GTF2IRD1: variants seen among roughly 807,000 people sequenced by gnomAD.
The protein encoded by GTF2IRD1 is general transcription factor II-I repeat domain-containing protein 1.
A neutral mutation model predicts 113.2 loss-of-function variants in GTF2IRD1; 26 were observed. The observed-to-expected ratio is 0.23, with a 90% CI of 0.17 to 0.32. GTF2IRD1 has a LOEUF of 0.32. GTF2IRD1 is among the 10% of genes least tolerant of loss of function. The pLI, the probability that GTF2IRD1 is intolerant of heterozygous loss-of-function variation, is 1.00. For synonymous variants in GTF2IRD1, 484 were observed against 529.1 expected (o/e 0.91, Z 1.17); for missense variants, 864 against 1,280.8 (o/e 0.67, Z 4.97).
Position 74,519,554 on chromosome 7 carries a change from T to C in GTF2IRD1, c.751T>C (p.Ser251Pro). 6.2e-7 allele frequency: 1 copy of C among 1,611,310 alleles called. No individual in the cohort carries two copies. The highest frequency in any genetic ancestry group is 8.5e-7 in the Non-Finnish European group (1 of 1,179,200). Reference protein sequence around the residue: ...PQDLPPTATSSSMASFLYSTA... With the variant: ...PQDLPPTATSPSMASFLYSTA... ...GGACCTGCCCCCAACCGCCACCTCC[T>C]CCTCCATGGCCAGCTTCCTGTACAG... Residue 251 changes from serine to proline, a missense_variant, in exon 6 of 27, where the codon TCC becomes CCC. By Grantham distance (74) the Ser-to-Pro change is moderately conservative. This residue lies in a region of GTF2IRD1 where 195 missense variants were observed against 196.6 expected (regional missense o/e 0.99). Coordinates refer to ENST00000424337, the MANE Select transcript of GTF2IRD1 (RefSeq NM_005685.4).
Position 74,571,127 on chromosome 7 carries a change from C to T in GTF2IRD1, c.2320+11472C>T, listed in dbSNP as rs1393010996. 3.5e-5 allele frequency: 34 copies of T among 985,202 alleles called. 1 individual carries two copies. The African/African-American group carries it at 5.8e-4, about 17-fold the overall frequency. The allele number at this position is 985,202 out of a possible 1,614,324, so 61.0% of individuals were successfully genotyped here. A position where few individuals can be genotyped will look rare whatever the true frequency, so the allele number is the denominator to read the frequency against. Reference sequence around the variant, plus strand: ...CCTCTCCTTCCCCAGAGCAGGGGCTCCAGACCCCAGGGATGTGGCAGAGCT... The same window carrying T: ...CCTCTCCTTCCCCAGAGCAGGGGCTTCAGACCCCAGGGATGTGGCAGAGCT... On this transcript the variant is annotated intron_variant, in intron 22 of 26. Coordinates refer to ENST00000424337, the MANE Select transcript of GTF2IRD1 (RefSeq NM_005685.4).
At chr7:74,575,562 G>A (rs960559698) in intron 22 of GTF2IRD1, among the ~76,000 whole-genome samples, 22 of 152,212 alleles carry the variant, frequency 1.4e-4, no homozygotes, top group South Asian at 4.1e-4. Flanking sequence ...TCCAGGCGAC[G>A]CCTGTGGCGG....
intron 25 of GTF2IRD1, among the ~76,000 whole-genome samples, chr7:74,598,639 G>A (rs1389094246): frequency 1.3e-4 from 19 of 151,816 alleles, no homozygotes; most frequent in African/African-American, 4.4e-4. Context: ...ACAAAACATG[G>A]CAGAGACACA....
chr7:74,509,722 G>C lies in GTF2IRD1; in HGVS notation c.123+1519G>C, dbSNP rs533017670. ...GGAGTTTCGCTCTGTCGCCAGGCTGGAGTGCAGTGGTGTGATCTCGACTCA... is the reference window on the plus strand; with the variant it reads ...GGAGTTTCGCTCTGTCGCCAGGCTGCAGTGCAGTGGTGTGATCTCGACTCA... On this transcript the variant is annotated intron_variant, in intron 2 of 26. Coordinates refer to ENST00000424337, the MANE Select transcript of GTF2IRD1 (RefSeq NM_005685.4). Among the ~76,000 whole-genome samples the C allele has an allele frequency of 5.9e-5, 9 of 151,794 alleles. No homozygotes were observed. The East Asian group carries it at 1.8e-3, about 30-fold the overall frequency.
rs587596266 is a variant in GTF2IRD1, at chr7:74,539,312, G to C, written c.1528+552G>C. Among the ~76,000 whole-genome samples the C allele has an allele frequency of 3.3e-5, 5 of 152,254 alleles. No homozygotes were observed. The South Asian group carries it at 1.0e-3, about 32-fold the overall frequency. On this transcript the variant is annotated intron_variant, in intron 13 of 26. Coordinates refer to ENST00000424337, the MANE Select transcript of GTF2IRD1 (RefSeq NM_005685.4). ...AAATACAAAACATTAGCCAGATGTG[G>C]TGGTGTGTGCCTGTCGGTGTAGCTT...
intron 9 of GTF2IRD1, among the ~76,000 whole-genome samples, chr7:74,530,465 G>A (rs1022164443): frequency 1.1e-4 from 17 of 151,188 alleles, no homozygotes; most frequent in Admixed American, 5.9e-4. Flanking sequence ...ATGCAGGCAC[G>A]GTGTCTGGCC....
At chr7:74,492,233 T>G (rs373989854) in intron 1 of GTF2IRD1, among the ~76,000 whole-genome samples, 4 of 150,380 alleles carry the variant, frequency 2.7e-5, no homozygotes, top group Admixed American at 1.3e-4. Flanking sequence ...TTCAGTGGCG[T>G]GATCTCGGCT....
intron 14 of GTF2IRD1, 35 bp downstream of exon 14, chr7:74,540,003 C>T: frequency 6.8e-7 from 1 of 1,475,072 alleles, no homozygotes; most frequent in Non-Finnish European, 9.5e-7. Context: ...GTGCTTGGGA[C>T]TCAGCTCTCC....
At chr7:74,567,446 A>G (rs1800391954) in intron 22 of GTF2IRD1, among the ~76,000 whole-genome samples, 1 of 152,150 alleles carries the variant, frequency 6.6e-6, no homozygotes, top group African/African-American at 2.4e-5. Context: ...GTCAGTCCTA[A>G]TGCCTGAGAG....
intron 12 of GTF2IRD1, 108 bp from the exon 13 acceptor site, chr7:74,538,572 G>C (rs118121349): frequency 1.2e-6 from 1 of 808,138 alleles, no homozygotes; most frequent in Non-Finnish European, 2.2e-6. Flanking sequence ...CTTGTCCTAG[G>C]TAGGGCCTCA....
rs1018386338 is a variant in GTF2IRD1 at position 74,457,413 on chromosome 7, A to C, written c.-7+3237A>C. 1.2e-4 allele frequency among the ~76,000 whole-genome samples: 18 copies of C among 152,270 alleles called. No homozygotes were observed. The East Asian group carries it at 3.5e-3, about 29-fold the overall frequency. ...CCTCAAATACTTGTTAAATGGCTAC[A>C]TGTTTGAATGAATGAATGAATGAAA... is the stretch of plus-strand genomic sequence containing the variant. On this transcript the variant is annotated intron_variant, in intron 1 of 26. Coordinates refer to ENST00000424337, the MANE Select transcript of GTF2IRD1 (RefSeq NM_005685.4).
chr7:74,535,982 C>T (rs146914095), intron 10 of GTF2IRD1, among the ~76,000 whole-genome samples, 185 bp from the exon 11 acceptor site: 2 of 152,296 alleles, frequency 1.3e-5, no homozygotes, highest in African/African-American at 2.4e-5. Context: ...CTCCTTCTGG[C>T]GTCAGAGTCT....
At position 74,601,068 on chromosome 7, in the gene GTF2IRD1, G is replaced by T. The variant is rs587688217; in HGVS notation, c.2654G>T (p.Arg885Leu). Residue 885 changes from arginine (R) to leucine (L), a missense_variant, in exon 26 of 27, where the codon CGC (arginine) becomes CTC (leucine). Arg to Leu is a moderately radical substitution (Grantham distance 102, BLOSUM62 -2). Transcript: ENST00000424337. ...VPAKDSSIPK[R>L]KRKRVSEGNS... Reference sequence around the variant, plus strand: ...GCCAAAGACAGCAGCATTCCCAAGCGCAAGAGAAAGCGGGTCTCGGAAGGA... The same window carrying T: ...GCCAAAGACAGCAGCATTCCCAAGCTCAAGAGAAAGCGGGTCTCGGAAGGA... 1.9e-6 allele frequency: 3 copies of T among 1,614,100 alleles called. No individual in the cohort carries two copies. The highest frequency in any genetic ancestry group is 2.2e-5 in the East Asian group (1 of 44,880).
chr7:74,571,664 C>T (rs1554362733), intron 22 of GTF2IRD1, among the ~76,000 whole-genome samples: 2 of 152,126 alleles, frequency 1.3e-5, no homozygotes. Context: ...GAGTTCGAAA[C>T]CAGCCTGGGA....
At chr7:74,528,746 G>GATGA (rs1797753153) in intron 8 of GTF2IRD1, among the ~76,000 whole-genome samples, 2 of 108,662 alleles carry the variant, frequency 1.8e-5, no homozygotes, top group African/African-American at 6.8e-5. Context: ...TGGATGGATG[G>GATGA]ATGGATGGAT....
intron 1 of GTF2IRD1, among the ~76,000 whole-genome samples, chr7:74,466,573 G>T (rs1352094977): frequency 6.6e-6 from 1 of 152,068 alleles, no homozygotes; most frequent in Admixed American, 6.6e-5. Flanking sequence ...CCCCTAGAGC[G>T]TGCGTAATGC....
chr7:74,601,222 GCC>G, intron 26 of GTF2IRD1, 42 bp downstream of exon 26: 2 of 1,553,686 alleles, frequency 1.3e-6, no homozygotes, highest in Non-Finnish European at 1.7e-6. Flanking sequence ...CATCTCTGTG[GCC>G]CTCACCCCTC....
intron 24 of GTF2IRD1, among the ~76,000 whole-genome samples, chr7:74,593,651 T>C (rs1215713697): frequency 6.8e-6 from 1 of 147,514 alleles, no homozygotes; most frequent in Non-Finnish European, 1.5e-5. Flanking sequence ...GAGAATGGCA[T>C]GAACCTGGGA....
chr7:74,459,983 T>A (rs978179621), intron 1 of GTF2IRD1, among the ~76,000 whole-genome samples: 1 of 151,662 alleles, frequency 6.6e-6, no homozygotes, highest in African/African-American at 2.4e-5. Flanking sequence ...TTTTTTTTTT[T>A]AATTTGTATT....
Sources: gnomAD v4.1 joint callset for allele counts (sites outside exome capture counted in the v4.1 genomes callset) on GRCh38, gnomAD v4.1.1 for gene constraint, gnomAD v4.1.1 regional missense constraint, MANE v1.5 for transcripts, NCBI Gene and HGNC (gene_info 2026-07-23, HGNC 2026-07-21) for gene names.